Variants in CFAP251 observed in about 807,000 individuals in gnomAD.
The protein encoded by CFAP251 is cilia- and flagella-associated protein 251.
Under a neutral mutation model 126.7 loss-of-function variants are expected in CFAP251, and 93 were observed. The ratio of observed to expected loss-of-function variants is 0.73; its 90% CI spans 0.62 to 0.87. The LOEUF (loss-of-function observed/expected upper bound fraction) is 0.87. Among genes scored for constraint, CFAP251 ranks in the 40% least tolerant of loss-of-function variants. CFAP251 has a pLI of 0.00. For synonymous variants in CFAP251, 503 were observed against 506.9 expected (o/e 0.99, Z 0.10); for missense variants, 1,287 against 1,389.2 (o/e 0.93, Z 1.17).
At position 121,959,103 on chromosome 12, in the gene CFAP251, T is replaced by A; in HGVS notation, c.2133+9T>A. 1 of 1,576,916 alleles carries A rather than the reference T, an allele frequency of 6.3e-7. No homozygotes were observed. The highest frequency in any genetic ancestry group is 8.6e-7 in the Non-Finnish European group (1 of 1,167,150). ...AGTATATGGCAACTGCTGTAAGTAT[T>A]TTCATGGACAACCCATCCAGTGGCT... is the stretch of plus-strand genomic sequence containing the variant. On this transcript the variant is annotated intron_variant, in intron 13 of 21. Coordinates refer to ENST00000288912, the MANE Select transcript of CFAP251 (RefSeq NM_144668.6).
chr12:121,971,420 T>C, intron 17 of CFAP251: 2 of 648,546 alleles, frequency 3.1e-6, no homozygotes, highest in Non-Finnish European at 5.6e-6. Context: ...CATGGCAGAC[T>C]CTTCCTAAGA....
chr12:121,975,743 C>T, intron 19 of CFAP251, 58 bp downstream of exon 19: 1 of 1,511,816 alleles, frequency 6.6e-7, no homozygotes, highest in Non-Finnish European at 8.8e-7. Flanking sequence ...AAAACAACCT[C>T]TGGGAACAAT....
rs1360633594 is a variant in CFAP251 at position 121,924,018 on chromosome 12, C to T, written c.747+28C>T. 4.8e-6 allele frequency: 7 copies of T among 1,446,238 alleles called. No homozygotes were observed. The East Asian group carries it at 1.7e-4, about 36-fold the overall frequency. The allele number at this position is 1,446,238 out of a possible 1,614,324, so 89.6% of individuals were successfully genotyped here. On this transcript the variant is annotated intron_variant, in intron 3 of 21. Coordinates refer to ENST00000288912, the MANE Select transcript of CFAP251 (RefSeq NM_144668.6). Reference sequence around the variant, plus strand: ...AAGTGTAATGCTTTTAAATCTCCCCCAGTGCTTTTGAGAGTGTTGCGCAAT... The same window carrying T: ...AAGTGTAATGCTTTTAAATCTCCCCTAGTGCTTTTGAGAGTGTTGCGCAAT...
chr12:121,996,471 A>G (rs1477370123), intron 19 of CFAP251, among the ~76,000 whole-genome samples: 2 of 152,196 alleles, frequency 1.3e-5, no homozygotes, highest in Non-Finnish European at 1.5e-5. Context: ...AGTGAGGAAC[A>G]GTTTTGTTTG....
chr12:121,927,672 A>G (rs905368782), intron 3 of CFAP251, among the ~76,000 whole-genome samples: 2 of 152,106 alleles, frequency 1.3e-5, no homozygotes, highest in African/African-American at 4.8e-5. Flanking sequence ...GCTGTCACAC[A>G]AGGTCCTACA....
At chr12:121,961,609 A>T (rs1881942758) in intron 14 of CFAP251, among the ~76,000 whole-genome samples, 1 of 152,118 alleles carries the variant, frequency 6.6e-6, no homozygotes, top group African/African-American at 2.4e-5. Context: ...TGAATTTTTG[A>T]ATTTTTACTC....
Position 121,993,815 on chromosome 12 carries a change from C to T in CFAP251, c.3007-5901C>T, listed in dbSNP as rs1183206252. On this transcript the variant is annotated intron_variant, in intron 19 of 21. Coordinates refer to ENST00000288912, the MANE Select transcript of CFAP251 (RefSeq NM_144668.6). Reference sequence around the variant, plus strand: ...GGAGGTGGGGGGGTCAGCCCCCCGCCCGGCCAGCCGCCCCGTCCGGGAGGG... The same window carrying T: ...GGAGGTGGGGGGGTCAGCCCCCCGCTCGGCCAGCCGCCCCGTCCGGGAGGG... Among the ~76,000 whole-genome samples the T allele has an allele frequency of 5.7e-5, 8 of 141,236 alleles. No individual in the cohort carries two copies. In the East Asian group the frequency reaches 6.6e-4, roughly 12 times the overall value. 92.7% of individuals were successfully genotyped at this position (141,236 alleles called of 152,430 possible). A position where few individuals can be genotyped will look rare whatever the true frequency, so the allele number is the denominator to read the frequency against.
Position 122,003,715 on chromosome 12 carries a change from A to T in CFAP251, c.3401A>T (p.Glu1134Val). ...DEITAEIFAT[E>V]ILGLTISEDS... ...ATCACTGCAGAAATATTCGCGACTGAAATTCTTGGCTTAACCATTTCAGAA... is the reference window on the plus strand; with the variant it reads ...ATCACTGCAGAAATATTCGCGACTGTAATTCTTGGCTTAACCATTTCAGAA... Residue 1134 changes from glutamate (E) to valine (V), a missense_variant, in exon 22 of 22, where the codon GAA (glutamate) becomes GTA (valine). Transcript: ENST00000288912. The T allele has an allele frequency of 6.2e-7, 1 of 1,610,188 alleles. No homozygotes were observed. The highest frequency in any genetic ancestry group is 1.1e-5 in the South Asian group (1 of 89,884).
chr12:121,963,506 C>T (rs569520943), intron 15 of CFAP251, among the ~76,000 whole-genome samples: 27 of 151,310 alleles, frequency 1.8e-4, no homozygotes, highest in South Asian at 4.3e-4. Flanking sequence ...GGGGAGGACA[C>T]CAGCCGGGGA....
At chr12:121,927,948 G>A (rs909912517) in intron 3 of CFAP251, among the ~76,000 whole-genome samples, 18 of 152,156 alleles carry the variant, frequency 1.2e-4, no homozygotes, top group African/African-American at 4.3e-4. Flanking sequence ...TGTAAGCAGT[G>A]GCTATCTCCA....
At position 121,934,292 on chromosome 12, in the gene CFAP251, C is replaced by T. The variant is rs755891223; in HGVS notation, c.934C>T (p.Arg312Trp). Reference protein sequence around the residue: ...ISCLCVSEDRRWIATADKGPD... With the variant: ...ISCLCVSEDRWWIATADKGPD... ...CTGCCTCTGCGTCAGTGAAGACAGG[C>T]GGTGGATCGCCACAGCAGACAAAGG... The change falls in exon 5 of 22, where the codon CGG (arginine) becomes TGG (tryptophan). Residue 312 changes from arginine (R) to tryptophan (W), a missense_variant. Arg to Trp is a moderately radical substitution (Grantham distance 101). Coordinates refer to ENST00000288912, the MANE Select transcript of CFAP251 (RefSeq NM_144668.6). 1.2e-5 allele frequency: 19 copies of T among 1,614,012 alleles called. No homozygotes were observed. The highest frequency in any genetic ancestry group is 1.1e-4 in the South Asian group (10 of 91,054).
chr12:121,956,113 G>C (rs1437638488), intron 10 of CFAP251, among the ~76,000 whole-genome samples: 6 of 152,206 alleles, frequency 3.9e-5, no homozygotes, highest in Admixed American at 3.9e-4. Context: ...ATGGATCCAA[G>C]GACTGGAAAT....
chr12:121,944,922 A>G (rs1881259028), intron 7 of CFAP251, among the ~76,000 whole-genome samples: 1 of 152,144 alleles, frequency 6.6e-6, no homozygotes. Context: ...AGCTGGGACT[A>G]CAGGTGCACA....
At chr12:121,962,699 GAAA>G (rs4069667) in intron 15 of CFAP251, among the ~76,000 whole-genome samples, 9 of 114,150 alleles carry the variant, frequency 7.9e-5, no homozygotes, top group Admixed American at 8.2e-5. Context: ...GTGCAAAGAA[GAAA>G]AAAAAAAAAA....
intron 3 of CFAP251, 70 bp from the exon 4 acceptor site, chr12:121,931,676 G>A (rs1442376018): frequency 1.5e-6 from 2 of 1,371,120 alleles, no homozygotes; most frequent in African/African-American, 1.5e-5. Context: ...CCCCTCCGGC[G>A]AGTTCCTGGA....
At chr12:121,986,799 G>T (rs979978854) in intron 19 of CFAP251, among the ~76,000 whole-genome samples, 8 of 151,892 alleles carry the variant, frequency 5.3e-5, no homozygotes, top group Non-Finnish European at 1.2e-4. Flanking sequence ...CCCATCTAGG[G>T]GTTCTATAAA....
chr12:121,922,087 G>T (rs1473898749), intron 2 of CFAP251, among the ~76,000 whole-genome samples: 1 of 140,536 alleles, frequency 7.1e-6, no homozygotes, highest in East Asian at 2.2e-4. Flanking sequence ...ACGCCACCAC[G>T]CCCGGCCACA....
intron 9 of CFAP251, chr12:121,953,613 A>T (rs1191523499): frequency 6.5e-6 from 1 of 153,628 alleles, no homozygotes; most frequent in Non-Finnish European, 1.5e-5. Flanking sequence ...TGTTCAAGTC[A>T]GAAGAGGTAA....
intron 15 of CFAP251, among the ~76,000 whole-genome samples, chr12:121,962,643 T>TA (rs1881978800): frequency 6.7e-6 from 1 of 148,654 alleles, no homozygotes; most frequent in Non-Finnish European, 1.5e-5. Flanking sequence ...GGTGATGCAA[T>TA]GGCGTGAACA....
Sources: gnomAD v4.1 joint callset for allele counts (sites outside exome capture counted in the v4.1 genomes callset) on GRCh38, gnomAD v4.1.1 for gene constraint, MANE v1.5 for transcripts, NCBI Gene and HGNC (gene_info 2026-07-23, HGNC 2026-07-21) for gene names.